PKD1L1: variants seen among roughly 807,000 people sequenced by gnomAD.
PKD1L1 encodes polycystin-1-like protein 1.
A neutral mutation model predicts 323.4 loss-of-function variants in PKD1L1; 236 were observed. The ratio of observed to expected loss-of-function variants is 0.73; its 90% confidence interval spans 0.66 to 0.81. The LOEUF (loss-of-function observed/expected upper bound fraction) is 0.81. Ranked by LOEUF, PKD1L1 falls within the 40% of genes least tolerant of loss-of-function variation. PKD1L1 has a pLI of 0.00. For missense variants in PKD1L1, 3,320 were observed against 3,508.0 expected (o/e 0.95, Z 1.35); for synonymous variants, 1,344 against 1,335.0 (o/e 1.01, Z -0.15).
chr7:47,777,341 G>A (rs929846790), intron 56 of PKD1L1, among the ~76,000 whole-genome samples: 2 of 152,216 alleles, frequency 1.3e-5, no homozygotes, highest in Non-Finnish European at 2.9e-5. Context: ...TAAGACCGAA[G>A]GAGATGGTCT....
At chr7:47,801,925 C>T (rs1469169723) in intron 53 of PKD1L1, among the ~76,000 whole-genome samples, 1 of 152,162 alleles carries the variant, frequency 6.6e-6, no homozygotes, top group Non-Finnish European at 1.5e-5. Flanking sequence ...GGCGTGGTGG[C>T]TCATGCCTGT....
In PKD1L1 at chr7:47,865,245, A is replaced by G. The variant is rs1786137246; in HGVS notation, c.4120T>C (p.Leu1374=). Residue 1374 remains leucine, a synonymous_variant, in exon 26 of 57, where the codon TTG becomes CTG. Coordinates refer to ENST00000289672, the MANE Select transcript of PKD1L1 (RefSeq NM_138295.5). ...TTAGAGAAGCTCACGAGGTCCCTCA[A>G]CATAAGAACAGAACCAATCATTTCT... ...QEEMIGSVLM[L]RDLVSFSNKL... 1.2e-6 allele frequency: 2 copies of G among 1,613,534 alleles called. No homozygotes were observed. The highest frequency in any genetic ancestry group is 1.1e-5 in the South Asian group (1 of 91,008).
intron 7 of PKD1L1, among the ~76,000 whole-genome samples, chr7:47,920,061 G>C (rs1045479933): frequency 6.6e-6 from 1 of 152,080 alleles, no homozygotes; most frequent in African/African-American, 2.4e-5. Flanking sequence ...TCAGTAAAGA[G>C]GAATTCAAAC....
At chr7:47,796,869 G>A (rs1784550739) in intron 54 of PKD1L1, among the ~76,000 whole-genome samples, 2 of 150,962 alleles carry the variant, frequency 1.3e-5, no homozygotes, top group South Asian at 4.2e-4. Context: ...GTGTGGTGGT[G>A]GGCACCTGTA....
chr7:47,837,735 C>T (rs1315081014), intron 36 of PKD1L1, among the ~76,000 whole-genome samples: 1 of 152,050 alleles, frequency 6.6e-6, no homozygotes, highest in Non-Finnish European at 1.5e-5. Flanking sequence ...GTGGGAGATA[C>T]GTTGTTTAGG....
At position 47,840,071 on chromosome 7, in the gene PKD1L1, C is replaced by G. The variant is rs114439460; in HGVS notation, c.5552+390G>C. On this transcript the variant is annotated intron_variant, in intron 35 of 56. Transcript: ENST00000289672. The surrounding 1 kb of genome is among the most constrained non-coding windows in gnomAD (Gnocchi z 4.1). ...CTCAGTCCTTTCATATTTTCTAAGA[C>G]GCCAGGTGCTTGCATCCTATCTTGT... Among the ~76,000 whole-genome samples, 2,823 of 152,176 alleles carry G rather than the reference C, an allele frequency of 0.019. 85 individuals carry two copies. Among genetic ancestry groups the G allele is most frequent in the African/African-American group, 0.064 (2,636 of 41,498 alleles).
In PKD1L1 at chr7:47,880,700, G is replaced by C. The variant is rs17131896; in HGVS notation, c.3520+28C>G. 452,951 of 1,562,744 alleles carry C rather than the reference G, an allele frequency of 0.29. 70,427 individuals are homozygous for C. Among genetic ancestry groups the C allele is most frequent in the African/African-American group, 0.56 (40,703 of 72,370 alleles). ...GACGCAGCAGGACTCCTCATCCTCT[G>C]ATAAATGCAACTGACAATGTAACAT... is the stretch of plus-strand genomic sequence containing the variant. On this transcript the variant is annotated intron_variant, in intron 21 of 56. Transcript: ENST00000289672.
chr7:47,877,872 T>C (rs1006644439), intron 21 of PKD1L1, among the ~76,000 whole-genome samples: 3 of 152,014 alleles, frequency 2.0e-5, no homozygotes, highest in African/African-American at 7.2e-5. Context: ...ATTCTGAAGT[T>C]CTGGGGTTTG....
In PKD1L1 at chr7:47,943,004, G is replaced by A. The variant is rs1330436175; in HGVS notation, c.160+392C>T. ...TACCAAAAATACAAAAAATTAGCTG[G>A]GCGTGGTGGCGGACGCCTGTAGTCC... On this transcript the variant is annotated intron_variant, in intron 2 of 56. Coordinates refer to ENST00000289672, the MANE Select transcript of PKD1L1 (RefSeq NM_138295.5). Among the ~76,000 whole-genome samples the A allele has an allele frequency of 5.9e-5, 9 of 151,964 alleles. No individual in the cohort carries two copies. The South Asian group carries it at 1.3e-3, about 21-fold the overall frequency.
intron 42 of PKD1L1, 46 bp from the exon 43 acceptor site, chr7:47,830,170 G>T: frequency 6.6e-7 from 1 of 1,524,338 alleles, no homozygotes; most frequent in South Asian, 1.1e-5. Flanking sequence ...TAAGGGAGCA[G>T]GCCACCCAGC....
intron 33 of PKD1L1, 86 bp from the exon 34 acceptor site, chr7:47,843,255 C>T (rs1785599551): frequency 1.1e-5 from 11 of 1,013,712 alleles, no homozygotes; most frequent in Non-Finnish European, 1.4e-5. Context: ...TAGCCCCTTA[C>T]ACACAAAAGT....
At chr7:47,890,805 C>T in intron 15 of PKD1L1, 42 bp from the exon 16 acceptor site, 1 of 1,577,180 alleles carries the variant, frequency 6.3e-7, no homozygotes, top group Non-Finnish European at 8.7e-7. Context: ...GAGCATCAGG[C>T]AGAGTCAGGG....
intron 46 of PKD1L1, chr7:47,819,648 A>T (rs1230522951): frequency 8.5e-7 from 1 of 1,175,946 alleles, no homozygotes; most frequent in East Asian, 4.8e-5. Flanking sequence ...CAGCAGAAAA[A>T]AAAAAACAAA....
At chr7:47,890,978 C>A (rs1328051889) in intron 15 of PKD1L1, among the ~76,000 whole-genome samples, 1 of 152,144 alleles carries the variant, frequency 6.6e-6, no homozygotes. Flanking sequence ...CCACCCCTCC[C>A]GACTCACTGA....
chr7:47,949,368 C>CAAAAAAAAAAAAAAAAAAAAAAAAAAA (rs58131581), upstream of PKD1L1, among the ~76,000 whole-genome samples: 1 of 57,134 alleles, frequency 1.8e-5, no homozygotes, highest in African/African-American at 6.7e-5. Flanking sequence ...GGCTCTGTCT[C>CAAAAAAAAAAAAAAAAAAAAAAAAAAA]AAAAAAAAAA....
At chr7:47,941,712 G>A (rs1444161253) in intron 2 of PKD1L1, among the ~76,000 whole-genome samples, 1 of 152,138 alleles carries the variant, frequency 6.6e-6, no homozygotes, top group Non-Finnish European at 1.5e-5. Flanking sequence ...GAAATATTTA[G>A]AAAATGTTTC....
intron 33 of PKD1L1, 79 bp downstream of exon 33, chr7:47,844,916 G>T: frequency 8.3e-7 from 1 of 1,211,390 alleles, no homozygotes; most frequent in Non-Finnish European, 1.2e-6. Flanking sequence ...AAGCACCCCC[G>T]GAATTATATG....
upstream of PKD1L1, among the ~76,000 whole-genome samples, chr7:47,952,696 C>T (rs532752197): frequency 1.3e-5 from 2 of 152,258 alleles, no homozygotes; most frequent in African/African-American, 4.8e-5. Flanking sequence ...AGAAAAACAA[C>T]ATAGTTATTG....
chr7:47,813,352 T>A, intron 48 of PKD1L1, 59 bp from the exon 49 acceptor site: 1 of 1,581,484 alleles, frequency 6.3e-7, no homozygotes, highest in African/African-American at 1.3e-5. Flanking sequence ...TACCCTGCAA[T>A]CCGGGGTCTC....
Sources: allele counts gnomAD v4.1 joint callset (sites outside exome capture counted in the v4.1 genomes callset), GRCh38; gene constraint gnomAD v4.1.1; non-coding constraint Gnocchi (gnomAD v3.1); transcripts MANE v1.5; gene names NCBI Gene and HGNC (gene_info 2026-07-23, HGNC 2026-07-21).